The following MTARC1 variants were observed in gnomAD, a reference collection of about 807,000 sequenced individuals.
MTARC1 encodes the protein mitochondrial amidoxime-reducing component 1.
In MTARC1, 24 loss-of-function variants were observed where a neutral mutation model predicts 33.6. The ratio of observed to expected loss-of-function variants is 0.72; its 90% CI spans 0.52 to 1.01. The LOEUF (loss-of-function observed/expected upper bound fraction) is 1.01, where lower values mean the gene tolerates loss of function less well. Among genes scored for constraint, MTARC1 ranks in the 50% least tolerant of loss-of-function variants. MTARC1 has a pLI of 0.00. For synonymous variants in MTARC1, 187 were observed against 189.5 expected, an observed-to-expected ratio of 0.99 and a Z score of 0.11; for missense variants, 417 against 445.7, an observed-to-expected ratio of 0.94 and a Z score of 0.58.
chr1:220,799,089 C>A, intron 4 of MTARC1: 1 of 985,316 alleles, frequency 1.0e-6, no homozygotes, highest in Non-Finnish European at 1.2e-6. Context: ...CCTAGGGTTA[C>A]CTTAAGGGTC....
chr1:220,794,443 A>G (rs750866027), intron 2 of MTARC1: 11 of 151,894 alleles, frequency 7.2e-5, no homozygotes, highest in Non-Finnish European at 1.5e-4. Context: ...TAAGCCCCCC[A>G]CATATATTCA....
intron 1 of MTARC1, among the ~76,000 whole-genome samples, chr1:220,789,435 G>A (rs1030800869): frequency 3.5e-4 from 43 of 123,462 alleles, no homozygotes; most frequent in Non-Finnish European, 3.8e-5. Context: ...CAGCTGATGA[G>A]CAAAAACAAA....
intron 2 of MTARC1, 104 bp downstream of exon 2, chr1:220,791,768 C>A: frequency 8.0e-7 from 1 of 1,249,210 alleles, no homozygotes; most frequent in Non-Finnish European, 1.1e-6. Context: ...CAATAATGAA[C>A]CGTTGATTGC....
At chr1:220,787,313 A>G in intron 1 of MTARC1, 94 bp downstream of exon 1, 1 of 1,380,696 alleles carries the variant, frequency 7.2e-7, no homozygotes, top group Admixed American at 3.3e-5. Flanking sequence ...AGAGTCTGCT[A>G]ACAGGTCCTT....
intron 1 of MTARC1, among the ~76,000 whole-genome samples, chr1:220,789,120 G>A (rs2102582921): frequency 6.6e-6 from 1 of 152,268 alleles, no homozygotes; most frequent in South Asian, 2.1e-4. Context: ...ACGTGCCAGG[G>A]TGCCAGCATA....
chr1:220,812,770 G>A (rs1481541522), intron 6 of MTARC1, among the ~76,000 whole-genome samples: 1 of 151,714 alleles, frequency 6.6e-6, no homozygotes, highest in Admixed American at 6.6e-5. Flanking sequence ...CATTGCCCAG[G>A]CTGGAGCGCA....
chr1:220,793,973 A>G (rs1335206063), intron 2 of MTARC1: 1 of 152,238 alleles, frequency 6.6e-6, no homozygotes, highest in Non-Finnish European at 1.5e-5. Context: ...GGTGATTATG[A>G]ACCTGAACCC....
chr1:220,798,574 G>C, intron 4 of MTARC1: 5 of 985,364 alleles, frequency 5.1e-6, no homozygotes, highest in Non-Finnish European at 6.0e-6. Flanking sequence ...GATTCCACAG[G>C]ATTCTGGCAG....
chr1:220,795,077 A>G (rs968411106), intron 2 of MTARC1, among the ~76,000 whole-genome samples: 7 of 152,226 alleles, frequency 4.6e-5, no homozygotes, highest in African/African-American at 1.7e-4. Flanking sequence ...AAATCCATTT[A>G]TACATTATTA....
intron 4 of MTARC1, among the ~76,000 whole-genome samples, chr1:220,804,049 C>T (rs1348434332): frequency 6.6e-6 from 1 of 152,154 alleles, no homozygotes; most frequent in East Asian, 1.9e-4. Flanking sequence ...AGGTCTTTGC[C>T]TTCCGCCCTC....
chr1:220,808,651 A>G (rs894324009), intron 6 of MTARC1, among the ~76,000 whole-genome samples: 2 of 152,214 alleles, frequency 1.3e-5, no homozygotes, highest in African/African-American at 4.8e-5. Context: ...GCCAGCGCTC[A>G]GCTGGGAGAC....
At position 220,815,178 on chromosome 1, in the gene MTARC1, G is replaced by A. The variant is rs1673255659; in HGVS notation, c.*1760G>A. 6.6e-6 allele frequency: 1 copy of A among 152,250 alleles called. No individual in the cohort carries two copies. The highest frequency in any genetic ancestry group is 1.5e-5 in the Non-Finnish European group (1 of 68,048). The allele number at this position is 152,250 out of a possible 1,614,324, so 9.4% of individuals were successfully genotyped here. A position where few individuals can be genotyped will look rare whatever the true frequency, so the allele number is the denominator to read the frequency against. On this transcript the variant is annotated 3_prime_UTR_variant, in exon 7 of 7. Transcript: ENST00000366910. ...GACAAAGCGAAGTGTTCAGCAAGTA[G>A]CATTACTAATGGGACCGGGGGACCC...
At chr1:220,805,814 T>C (rs1328800086) in intron 6 of MTARC1, among the ~76,000 whole-genome samples, 1 of 152,240 alleles carries the variant, frequency 6.6e-6, no homozygotes, top group Admixed American at 6.5e-5. Context: ...TATTCTACTT[T>C]TATGTTTACT....
intron 6 of MTARC1, chr1:220,808,948 A>C: frequency 2.1e-6 from 1 of 470,854 alleles, no homozygotes; most frequent in Middle Eastern, 3.3e-4. Context: ...CCTAATGGAA[A>C]GAATATAGCA....
At chr1:220,807,953 C>T (rs939987199) in intron 6 of MTARC1, among the ~76,000 whole-genome samples, 17 of 152,104 alleles carry the variant, frequency 1.1e-4, no homozygotes, top group Non-Finnish European at 5.9e-5. Flanking sequence ...GCTCCTACCC[C>T]TGCCCGCACT....
chr1:220,797,624 T>A, intron 3 of MTARC1: 1 of 486,772 alleles, frequency 2.1e-6, no homozygotes, highest in Non-Finnish European at 3.7e-6. Flanking sequence ...CAAGGGCACA[T>A]GCCTTGTGGC....
chr1:220,813,216 T>G, intron 6 of MTARC1, 76 bp from the exon 7 acceptor site: 4 of 1,603,754 alleles, frequency 2.5e-6, no homozygotes, highest in Non-Finnish European at 3.4e-6. Flanking sequence ...AGGCCCTGTG[T>G]GGGATGGAAG....
At chr1:220,810,591 T>C (rs1477894616) in intron 6 of MTARC1, among the ~76,000 whole-genome samples, 1 of 152,206 alleles carries the variant, frequency 6.6e-6, no homozygotes, top group Non-Finnish European at 1.5e-5. Flanking sequence ...CTGTGCAGTT[T>C]AGGGAGGCTG....
rs188477104 is a variant in MTARC1 at position 220,800,683 on chromosome 1, A to G, written c.753+2669A>G. The stretch of plus-strand genomic sequence containing the variant: ...TGCCAGAGCTTTCCCCTGCTTCTCC[A>G]TATCTCCATGTGGATGTCTAATCCA... On this transcript the variant is annotated intron_variant, in intron 4 of 6. Transcript: ENST00000366910. Among the ~76,000 whole-genome samples, 45 of 151,228 alleles carry G rather than the reference A, an allele frequency of 3.0e-4. 1 individual carries two copies. The East Asian group carries it at 8.2e-3, about 28-fold the overall frequency.
Sources: allele counts gnomAD v4.1 joint callset (sites outside exome capture counted in the v4.1 genomes callset), GRCh38; gene constraint gnomAD v4.1.1; transcripts MANE v1.5; gene names NCBI Gene and HGNC (gene_info 2026-07-23, HGNC 2026-07-21).